Variants in SRSF10 observed in about 807,000 individuals in gnomAD.
The protein encoded by SRSF10 is serine/arginine-rich splicing factor 10.
SRSF10 carries 9 observed loss-of-function variants against 32.6 expected under a neutral mutation model. That is an observed-to-expected ratio of 0.28 (90% CI 0.17 to 0.48). SRSF10 has a LOEUF of 0.48. Among genes scored for constraint, SRSF10 ranks in the 20% least tolerant of loss-of-function variants. The pLI is 0.99. For synonymous variants in SRSF10, 105 were observed against 112.4 expected (o/e 0.93, Z 0.42); for missense variants, 201 against 331.8 (o/e 0.61, Z 3.06).
intron 4 of SRSF10, 75 bp from the exon 5 acceptor site, chr1:23,971,701 TAA>T: frequency 1.3e-6 from 2 of 1,538,680 alleles, no homozygotes; most frequent in Non-Finnish European, 1.8e-6. Context: ...AAGCAAACCA[TAA>T]AACTTTTAAA....
intron 2 of SRSF10, chr1:23,976,473 G>GT (rs1254393090): frequency 6.6e-6 from 1 of 152,204 alleles, no homozygotes; most frequent in Non-Finnish European, 1.5e-5. Context: ...CTTGAATACT[G>GT]TAACTGAACA....
intron 2 of SRSF10, chr1:23,978,245 G>A: frequency 1.0e-6 from 1 of 985,722 alleles, no homozygotes; most frequent in Non-Finnish European, 1.2e-6. Flanking sequence ...TCTCTTTGGG[G>A]TCGCCATAAC....
rs1242196324 is a variant in SRSF10 at position 23,966,769 on chromosome 1, AT to A, written c.*4372del. ...AAACCAGTTTATTACAGATTAAATC[AT>A]TTTTTCATTATTTATAATAATGTGA... On this transcript the variant is annotated 3_prime_UTR_variant, in exon 6 of 6. Transcript: ENST00000492112. The A allele has an allele frequency of 1.3e-5, 2 of 152,016 alleles. No individual in the cohort carries two copies. Among genetic ancestry groups the A allele is most frequent in the Non-Finnish European group, 2.9e-5 (2 of 67,924 alleles). 9.4% of individuals were successfully genotyped at this position (152,016 alleles called of 1,614,324 possible).
At position 23,975,320 on chromosome 1, in the gene SRSF10, T is replaced by C. The variant is rs1164495840; in HGVS notation, c.171-243A>G. The C allele has an allele frequency of 9.2e-6, 4 of 433,262 alleles. No homozygotes were observed. The East Asian group carries it at 1.1e-4, about 12-fold the overall frequency. The allele number at this position is 433,262 out of a possible 1,614,324, so 26.8% of individuals were successfully genotyped here. A position where few individuals can be genotyped will look rare whatever the true frequency, so the allele number is the denominator to read the frequency against. ...AATACATATTGCAGTAAAGTTATTA[T>C]TGAAATAAGATCTGTTATAGCTGAA... On this transcript the variant is annotated intron_variant, in intron 2 of 5. Transcript: ENST00000492112.
chr1:23,971,827 A>T, intron 4 of SRSF10, 23 bp downstream of exon 4: 1 of 1,578,106 alleles, frequency 6.3e-7, no homozygotes. Context: ...TAAACAGATC[A>T]CTGTGCTACA....
At position 23,971,318 on chromosome 1, in the gene SRSF10, T is replaced by G. The variant is rs1641741599; in HGVS notation, c.613A>C (p.Thr205Pro). 2 of 1,613,202 alleles carry G rather than the reference T, an allele frequency of 1.2e-6. No individual in the cohort carries two copies. Among genetic ancestry groups the G allele is most frequent in the Admixed American group, 3.3e-5 (2 of 59,986 alleles). Reference sequence around the variant, plus strand: ...GAATCTGTTTTAGAGGTGCCTCTAGTTTTGGTGTGAGATGCAGACCTAGAA... The same window carrying G: ...GAATCTGTTTTAGAGGTGCCTCTAGGTTTGGTGTGAGATGCAGACCTAGAA... ...SRSRSASHTKTRGTSKTDSKT... is the reference protein window; with the variant it reads ...SRSRSASHTKPRGTSKTDSKT... The change falls in exon 6 of 6, where the codon ACT becomes CCT. Residue 205 changes from threonine (T) to proline (P), a missense_variant. By Grantham distance (38) the Thr-to-Pro change is conservative. Around this residue, in one of 3 missense-constraint regions of SRSF10, gnomAD observed 159 missense variants for 196.7 expected, o/e 0.81. Coordinates refer to ENST00000492112, the MANE Select transcript of SRSF10 (RefSeq NM_054016.4).
chr1:23,970,367 T>TG lies in SRSF10; in HGVS notation c.*774_*775insC. The TG allele has an allele frequency of 1.0e-6, 1 of 983,402 alleles. No individual in the cohort carries two copies. Among genetic ancestry groups the TG allele is most frequent in the Non-Finnish European group, 1.2e-6 (1 of 829,038 alleles). The allele number at this position is 983,402 out of a possible 1,614,324, so 60.9% of individuals were successfully genotyped here. A position where few individuals can be genotyped will look rare whatever the true frequency, so the allele number is the denominator to read the frequency against. ...TATCATTGGCCTAGACATCCGGTTT[T>TG]TTTTTTTTTTTGAGACGGAGTCTCA... On this transcript the variant is annotated 3_prime_UTR_variant, in exon 6 of 6. Transcript: ENST00000492112.
In SRSF10 at chr1:23,966,578, T is replaced by C. The variant is rs1336428522; in HGVS notation, c.*4564A>G. 3 of 152,040 alleles carry C rather than the reference T, an allele frequency of 2.0e-5. No individual in the cohort carries two copies. The highest frequency in any genetic ancestry group is 7.2e-5 in the African/African-American group (3 of 41,462). The allele number at this position is 152,040 out of a possible 1,614,324, so 9.4% of individuals were successfully genotyped here. On this transcript the variant is annotated 3_prime_UTR_variant, in exon 6 of 6. Coordinates refer to ENST00000492112, the MANE Select transcript of SRSF10 (RefSeq NM_054016.4). Reference sequence around the variant, plus strand: ...ACAGAACATACTAAATCAGTTAGGATAACAGCTCTCTGTCTGCCTCAAAAT... The same window carrying C: ...ACAGAACATACTAAATCAGTTAGGACAACAGCTCTCTGTCTGCCTCAAAAT...
In SRSF10 at chr1:23,971,036, A is replaced by T; in HGVS notation, c.*106T>A. 1 of 1,502,782 alleles carries T rather than the reference A, an allele frequency of 6.7e-7. No homozygotes were observed. Among genetic ancestry groups the T allele is most frequent in the Non-Finnish European group, 8.8e-7 (1 of 1,131,516 alleles). The allele number at this position is 1,502,782 out of a possible 1,614,324, so 93.1% of individuals were successfully genotyped here. A position where few individuals can be genotyped will look rare whatever the true frequency, so the allele number is the denominator to read the frequency against. ...TTGCCTGGTACAGGGAAAACTAACA[A>T]GTGTTTTTTAAGCATCATTGCAACA... On this transcript the variant is annotated 3_prime_UTR_variant, in exon 6 of 6. Transcript: ENST00000492112.
Position 23,968,752 on chromosome 1 carries a change from G to A in SRSF10, c.*2390C>T, listed in dbSNP as rs1204299537. ...TAATGCGTCTTGTTTATAAGAGGGA[G>A]AGCAGAATTACTGATCCATCCAATA... is the stretch of plus-strand genomic sequence containing the variant. On this transcript the variant is annotated 3_prime_UTR_variant, in exon 6 of 6. Coordinates refer to ENST00000492112, the MANE Select transcript of SRSF10 (RefSeq NM_054016.4). Among the ~76,000 whole-genome samples, 2 of 152,134 alleles carry A rather than the reference G, an allele frequency of 1.3e-5. No homozygotes were observed. Among genetic ancestry groups the A allele is most frequent in the African/African-American group, 4.8e-5 (2 of 41,442 alleles).
intron 1 of SRSF10, among the ~76,000 whole-genome samples, 166 bp downstream of exon 1, chr1:23,980,025 G>A (rs1430005345): frequency 1.2e-4 from 18 of 152,220 alleles, no homozygotes; most frequent in Admixed American, 6.5e-5. Context: ...TCGCTCCCAC[G>A]CGGCGGCTGA....
In SRSF10 at chr1:23,969,496, T is replaced by C. The variant is rs2148496375; in HGVS notation, c.*1646A>G. On this transcript the variant is annotated 3_prime_UTR_variant, in exon 6 of 6. Coordinates refer to ENST00000492112, the MANE Select transcript of SRSF10 (RefSeq NM_054016.4). Reference sequence around the variant, plus strand: ...TCCTTTAAACACATTCCACAAACAGTATTTAAAATCCATCGTTGTATTCTT... The same window carrying C: ...TCCTTTAAACACATTCCACAAACAGCATTTAAAATCCATCGTTGTATTCTT... 1 of 985,438 alleles carries C rather than the reference T, an allele frequency of 1.0e-6. No individual in the cohort carries two copies. The highest frequency in any genetic ancestry group is 6.1e-5 in the Admixed American group (1 of 16,286). The allele number at this position is 985,438 out of a possible 1,614,324, so 61.0% of individuals were successfully genotyped here. A position where few individuals can be genotyped will look rare whatever the true frequency, so the allele number is the denominator to read the frequency against.
In SRSF10 at chr1:23,980,289, G is replaced by A. The variant is rs1230201375; in HGVS notation, c.-34C>T. The A allele has an allele frequency of 9.7e-6, 14 of 1,437,448 alleles. No homozygotes were observed. The East Asian group carries it at 1.2e-4, about 12-fold the overall frequency. 89.0% of individuals were successfully genotyped at this position (1,437,448 alleles called of 1,614,324 possible). A position where few individuals can be genotyped will look rare whatever the true frequency, so the allele number is the denominator to read the frequency against. On this transcript the variant is annotated 5_prime_UTR_variant, in exon 1 of 6. Transcript: ENST00000492112. ...CGTGTCTCGGCCGGGCGCACTAACG[G>A]GCTCAGCAAACCGTCCGCGGCTCAG...
rs1366209832 is a variant in SRSF10 at position 23,971,306 on chromosome 1, A to T, written c.625T>A (p.Ser209Thr). 2 of 1,613,360 alleles carry T rather than the reference A, an allele frequency of 1.2e-6. No homozygotes were observed. Among genetic ancestry groups the T allele is most frequent in the Non-Finnish European group, 1.7e-6 (2 of 1,179,890 alleles). Residue 209 changes from serine (S) to threonine (T), a missense_variant, in exon 6 of 6, where the codon TCT becomes ACT. By Grantham distance (58) the Ser-to-Thr change is moderately conservative (BLOSUM62 1). Transcript: ENST00000492112. ...TAATGTGTTTTGGAATCTGTTTTAG[A>T]GGTGCCTCTAGTTTTGGTGTGAGAT... ...SASHTKTRGT[S>T]KTDSKTHYKS...
intron 1 of SRSF10, 144 bp from the exon 2 acceptor site, chr1:23,978,961 A>G (rs1038316567): frequency 2.4e-5 from 13 of 549,268 alleles, no homozygotes; most frequent in Non-Finnish European, 3.4e-5. Context: ...AACAGCAGAC[A>G]TATGTATGGT....
intron 3 of SRSF10, among the ~76,000 whole-genome samples, chr1:23,972,712 G>A (rs1641843082): frequency 6.7e-6 from 1 of 150,152 alleles, no homozygotes; most frequent in South Asian, 2.1e-4. Flanking sequence ...GAAGTGCTAG[G>A]ATTACAGGTG....
intron 3 of SRSF10, 121 bp from the exon 4 acceptor site, chr1:23,972,133 G>A (rs1280621457): frequency 1.1e-5 from 9 of 840,352 alleles, no homozygotes; most frequent in South Asian, 8.9e-5. Flanking sequence ...TGTATGACCC[G>A]GGTGGTGGCT....
rs1641401787 is a variant in SRSF10, at chr1:23,965,350, G to C, written c.*5792C>G. The C allele has an allele frequency of 6.6e-6, 1 of 151,986 alleles. No individual in the cohort carries two copies. The highest frequency in any genetic ancestry group is 2.4e-5 in the African/African-American group (1 of 41,460). The allele number at this position is 151,986 out of a possible 1,614,324, so 9.4% of individuals were successfully genotyped here. A position where few individuals can be genotyped will look rare whatever the true frequency, so the allele number is the denominator to read the frequency against. ...AATACAATGGAAAATCTCTACAAGA[G>C]AATGAGATTTGGAAAGCCATGCTTA... On this transcript the variant is annotated 3_prime_UTR_variant, in exon 6 of 6. Coordinates refer to ENST00000492112, the MANE Select transcript of SRSF10 (RefSeq NM_054016.4).
chr1:23,975,247 CTA>C (rs1325380434), intron 2 of SRSF10, 170 bp from the exon 3 acceptor site: 16 of 588,210 alleles, frequency 2.7e-5, no homozygotes, highest in Non-Finnish European at 3.4e-5. Flanking sequence ...ACACTTCACA[CTA>C]TAAAAGCACT....
Sources: gnomAD v4.1 joint callset for allele counts (sites outside exome capture counted in the v4.1 genomes callset) on GRCh38, gnomAD v4.1.1 for gene constraint, gnomAD v4.1.1 regional missense constraint, MANE v1.5 for transcripts, NCBI Gene and HGNC (gene_info 2026-07-23, HGNC 2026-07-21) for gene names.